Variants in OSBPL1A observed in about 807,000 individuals in gnomAD.
OSBPL1A encodes the protein oxysterol-binding protein-related protein 1.
In OSBPL1A, 80 loss-of-function variants were observed where a neutral mutation model predicts 137.1. The ratio of observed to expected loss-of-function variants is 0.58; its 90% CI spans 0.49 to 0.70. The LOEUF is 0.70. Ranked by LOEUF, OSBPL1A falls within the 30% of genes least tolerant of loss-of-function variation. OSBPL1A has a pLI of 0.00. For missense variants in OSBPL1A, 970 were observed against 1,129.4 expected (o/e 0.86, Z 2.02); for synonymous variants, 365 against 389.7 (o/e 0.94, Z 0.75).
chr18:24,215,738 T>C (rs2087678236), intron 17 of OSBPL1A, among the ~76,000 whole-genome samples: 1 of 152,260 alleles, frequency 6.6e-6, no homozygotes, highest in East Asian at 1.9e-4. Flanking sequence ...GAAGTCAAGA[T>C]ACCCAATCTA....
At chr18:24,314,119 A>G (rs150413547) in intron 12 of OSBPL1A, 130 bp downstream of exon 12, 542 of 558,888 alleles carry the variant, frequency 9.7e-4, no homozygotes, top group African/African-American at 9.6e-3. Flanking sequence ...ACATAAATAA[A>G]TAAAAATTTA....
At chr18:24,309,932 A>G in intron 13 of OSBPL1A, among the ~76,000 whole-genome samples, 1 of 151,768 alleles carries the variant, frequency 6.6e-6, no homozygotes, top group African/African-American at 2.4e-5. Context: ...CTGTAATCCC[A>G]GCTACTCAGG....
intron 15 of OSBPL1A, among the ~76,000 whole-genome samples, chr18:24,262,318 G>T (rs943200408): frequency 2.6e-5 from 4 of 151,906 alleles, no homozygotes; most frequent in Non-Finnish European, 5.9e-5. Flanking sequence ...GCAAAGCTTC[G>T]ACCTAAAAAT....
chr18:24,229,295 A>G (rs180893084), intron 16 of OSBPL1A, among the ~76,000 whole-genome samples: 87 of 152,354 alleles, frequency 5.7e-4, no homozygotes, highest in Non-Finnish European at 1.5e-4. Context: ...TATACTCACT[A>G]GAGAGGAATC....
At chr18:24,329,880 T>C (rs1295943257) in intron 7 of OSBPL1A, among the ~76,000 whole-genome samples, 1 of 152,188 alleles carries the variant, frequency 6.6e-6, no homozygotes, top group African/African-American at 2.4e-5. Context: ...TTATTCTACA[T>C]AAGGCACTTG....
intron 15 of OSBPL1A, among the ~76,000 whole-genome samples, chr18:24,262,579 T>C (rs2089466253): frequency 6.6e-6 from 1 of 152,216 alleles, no homozygotes; most frequent in African/African-American, 2.4e-5. Context: ...ATGAATTGTT[T>C]AAATAAACTT....
chr18:24,349,616 GC>G (rs751810149), intron 4 of OSBPL1A, among the ~76,000 whole-genome samples: 7 of 152,060 alleles, frequency 4.6e-5, no homozygotes, highest in Non-Finnish European at 8.8e-5. Flanking sequence ...AAAGGGGCTA[GC>G]CTCTTCCTGG....
chr18:24,166,532 C>G, intron 26 of OSBPL1A, 47 bp downstream of exon 26: 1 of 1,572,202 alleles, frequency 6.4e-7, no homozygotes, highest in Non-Finnish European at 8.6e-7. Context: ...AAGCATCATC[C>G]CCCGAGAAAT....
At position 24,162,661 on chromosome 18, in the gene OSBPL1A, G is replaced by A. The variant is rs780077186; in HGVS notation, c.*518C>T. On this transcript the variant is annotated 3_prime_UTR_variant, in exon 28 of 28. Transcript: ENST00000319481. ...TGGAAGATGGAAGGGGTAACATTGG[G>A]AGGATTAGTATGAATAAAAGCCATC... 6.6e-6 allele frequency: 1 copy of A among 152,142 alleles called. No individual in the cohort carries two copies. Among genetic ancestry groups the A allele is most frequent in the Non-Finnish European group, 1.5e-5 (1 of 68,060 alleles). The allele number at this position is 152,142 out of a possible 1,614,324, so 9.4% of individuals were successfully genotyped here.
intron 14 of OSBPL1A, among the ~76,000 whole-genome samples, chr18:24,290,444 G>C (rs2090155212): frequency 6.6e-6 from 1 of 152,208 alleles, no homozygotes; most frequent in Non-Finnish European, 1.5e-5. Context: ...ACTTTGGGAG[G>C]CTGAGGCAGG....
rs558628470 is a variant in OSBPL1A, at chr18:24,272,790, A to G, written c.1281+8052T>C. On this transcript the variant is annotated intron_variant, in intron 15 of 27. Coordinates refer to ENST00000319481, the MANE Select transcript of OSBPL1A (RefSeq NM_080597.4). ...TGAAGTTGGTGGTAGCTGTAATTGC[A>G]CTACAGACCTAGAATGTGTTAAAGA... Among the ~76,000 whole-genome samples, 3 of 152,332 alleles carry G rather than the reference A, an allele frequency of 2.0e-5. No homozygotes were observed. The South Asian group carries it at 6.2e-4, about 32-fold the overall frequency.
At chr18:24,377,591 A>G (rs1387471141) in intron 1 of OSBPL1A, 56 bp from the exon 2 acceptor site, 22 of 1,480,022 alleles carry the variant, frequency 1.5e-5, no homozygotes, top group Non-Finnish European at 2.0e-5. Context: ...TAGCTTTTAG[A>G]TATCACCTGC....
At chr18:24,263,697 G>A (rs1183933279) in intron 15 of OSBPL1A, among the ~76,000 whole-genome samples, 3 of 151,980 alleles carry the variant, frequency 2.0e-5, no homozygotes, top group Admixed American at 1.3e-4. Flanking sequence ...GTGCAGTGGC[G>A]CGATCTCGGC....
intron 9 of OSBPL1A, 64 bp downstream of exon 9, chr18:24,318,537 C>T: frequency 7.3e-7 from 1 of 1,366,666 alleles, no homozygotes. Flanking sequence ...AAGTTTTAAA[C>T]AGAAATAGAG....
At chr18:24,368,437 T>C in intron 2 of OSBPL1A, 65 bp from the exon 3 acceptor site, 1 of 1,210,522 alleles carries the variant, frequency 8.3e-7, no homozygotes. Context: ...CGAAATTAAC[T>C]TCTCCATAAC....
At chr18:24,292,543 CGAGAGAGAG>C (rs892927002) in intron 14 of OSBPL1A, among the ~76,000 whole-genome samples, 5 of 152,034 alleles carry the variant, frequency 3.3e-5, no homozygotes, top group Admixed American at 3.3e-4. Flanking sequence ...AGAGAGACGG[CGAGAGAGAG>C]GAGAGAGAGA....
intron 17 of OSBPL1A, among the ~76,000 whole-genome samples, chr18:24,202,870 C>T (rs2087260302): frequency 6.6e-6 from 1 of 152,126 alleles, no homozygotes; most frequent in Admixed American, 6.6e-5. Context: ...ATGTCAAAAC[C>T]AAAACAACAC....
chr18:24,301,086 C>A (rs901331242), intron 14 of OSBPL1A, among the ~76,000 whole-genome samples: 1 of 152,246 alleles, frequency 6.6e-6, no homozygotes, highest in Non-Finnish European at 1.5e-5. Flanking sequence ...ACATTCAACT[C>A]TCCAATTCCA....
chr18:24,178,211 A>G lies in OSBPL1A; in HGVS notation c.1911-16T>C, dbSNP rs1269313585. ...AAGGTCATCTCTTAAGATTTAAAAA[A>G]AAAAAAAAAGAAAAAAAAAAGCAAC... is the stretch of plus-strand genomic sequence containing the variant. On this transcript the variant is annotated splice_polypyrimidine_tract_variant and intron_variant, in intron 20 of 27. Transcript: ENST00000319481. The G allele has an allele frequency of 2.0e-6, 3 of 1,532,272 alleles. No individual in the cohort carries two copies. Among genetic ancestry groups the G allele is most frequent in the Non-Finnish European group, 2.6e-6 (3 of 1,139,922 alleles). 94.9% of individuals were successfully genotyped at this position (1,532,272 alleles called of 1,614,324 possible). A position where few individuals can be genotyped will look rare whatever the true frequency, so the allele number is the denominator to read the frequency against.
Sources: allele counts gnomAD v4.1 joint callset (sites outside exome capture counted in the v4.1 genomes callset), GRCh38; gene constraint gnomAD v4.1.1; transcripts MANE v1.5; gene names NCBI Gene and HGNC (gene_info 2026-07-23, HGNC 2026-07-21).